The following RUNX2 variants were observed in gnomAD, a reference collection of about 807,000 sequenced individuals.
The protein encoded by RUNX2 is RUNX family transcription factor 2.
In RUNX2, 10 loss-of-function variants were observed where a neutral mutation model predicts 51.7. That is an observed-to-expected ratio of 0.19 (90% CI 0.12 to 0.33). The LOEUF is 0.33. RUNX2 is among the 10% of genes least tolerant of loss of function. The pLI, the probability that RUNX2 is intolerant of heterozygous loss-of-function variation, is 1.00. For synonymous variants in RUNX2, 276 were observed against 273.6 expected, an observed-to-expected ratio of 1.01 and a Z score of -0.09; for missense variants, 562 against 691.3, an observed-to-expected ratio of 0.81 and a Z score of 2.10.
intron 2 of RUNX2, among the ~76,000 whole-genome samples, chr6:45,362,232 C>T (rs1004915224): frequency 1.3e-5 from 2 of 152,174 alleles, no homozygotes. Flanking sequence ...GACAACTAGA[C>T]AACTTTCAGT....
intron 2 of RUNX2, among the ~76,000 whole-genome samples, chr6:45,346,780 T>C (rs1172588213): frequency 6.6e-6 from 1 of 152,124 alleles, no homozygotes; most frequent in Admixed American, 6.5e-5. Context: ...TTGGTCAGGC[T>C]GGTCTCAAAC....
intron 7 of RUNX2, among the ~76,000 whole-genome samples, chr6:45,530,828 A>G (rs763310507): frequency 1.3e-5 from 2 of 152,236 alleles, no homozygotes; most frequent in Non-Finnish European, 1.5e-5. Flanking sequence ...AAAGAACATC[A>G]TGTTAGAACC....
At chr6:45,518,808 C>T (rs1801411749) in intron 7 of RUNX2, among the ~76,000 whole-genome samples, 1 of 152,132 alleles carries the variant, frequency 6.6e-6, no homozygotes, top group South Asian at 2.1e-4. Flanking sequence ...AATCTCCTTT[C>T]CATCAAAGAA....
intron 2 of RUNX2, among the ~76,000 whole-genome samples, chr6:45,402,513 T>C (rs989047976): frequency 3.3e-5 from 5 of 152,212 alleles, no homozygotes; most frequent in Admixed American, 6.5e-5. Flanking sequence ...TCCTATAACA[T>C]GCCAAAAGAT....
At chr6:45,454,705 T>G (rs1799271776) in intron 5 of RUNX2, among the ~76,000 whole-genome samples, 1 of 152,240 alleles carries the variant, frequency 6.6e-6, no homozygotes, top group Admixed American at 6.5e-5. Flanking sequence ...TATGTACTTT[T>G]GTTACAGCAA....
intron 2 of RUNX2, among the ~76,000 whole-genome samples, chr6:45,369,870 AG>A (rs1205578960): frequency 2.0e-5 from 3 of 152,184 alleles, no homozygotes; most frequent in African/African-American, 7.2e-5. Flanking sequence ...ATTTAATATA[AG>A]ATCTGGGAGG....
At chr6:45,367,160 G>A (rs1423165791) in intron 2 of RUNX2, among the ~76,000 whole-genome samples, 1 of 152,144 alleles carries the variant, frequency 6.6e-6, no homozygotes, top group Non-Finnish European at 1.5e-5. Flanking sequence ...ACACTAGCTA[G>A]GTGACTAGGT....
intron 2 of RUNX2, among the ~76,000 whole-genome samples, chr6:45,364,571 AAT>A (rs1680856210): frequency 6.6e-6 from 1 of 152,180 alleles, no homozygotes; most frequent in South Asian, 2.1e-4. Flanking sequence ...ATTTCTAATA[AAT>A]ATGCTACCTC....
At chr6:45,344,006 G>A (rs1790348332) in intron 2 of RUNX2, among the ~76,000 whole-genome samples, 1 of 152,096 alleles carries the variant, frequency 6.6e-6, no homozygotes, top group African/African-American at 2.4e-5. Context: ...GCCTATTCCT[G>A]TCTTTTTTCC....
rs1351332545 is a variant in RUNX2 at position 45,497,976 on chromosome 6, T to C, written c.859+5862T>C. Among the ~76,000 whole-genome samples, 7 of 152,188 alleles carry C rather than the reference T, an allele frequency of 4.6e-5. No homozygotes were observed. In the East Asian group the frequency reaches 1.2e-3, roughly 25 times the overall value. On this transcript the variant is annotated intron_variant, in intron 6 of 8. Transcript: ENST00000647337. ...ATGTGTCAGGCATTGTTCTAATTAG[T>C]TTAACTCATACGTTCCTCACAATAG...
intron 7 of RUNX2, among the ~76,000 whole-genome samples, chr6:45,525,482 G>A (rs1801646311): frequency 6.6e-6 from 1 of 152,182 alleles, no homozygotes; most frequent in African/African-American, 2.4e-5. Context: ...GAGTTGGCTG[G>A]GAATTGAGGA....
At chr6:45,351,686 T>C (rs570104651) in intron 2 of RUNX2, among the ~76,000 whole-genome samples, 1 of 152,258 alleles carries the variant, frequency 6.6e-6, no homozygotes, top group African/African-American at 2.4e-5. Context: ...TTCTCCAAAT[T>C]GATCAACTCC....
chr6:45,422,729 A>ACAGCAGCAG lies in RUNX2; in HGVS notation c.205_213dup (p.Gln69_Gln71dup). On this transcript the variant is annotated inframe_insertion, in exon 3 of 9. Transcript: ENST00000647337. Reference sequence around the variant, plus strand: ...AGCAACAGCAGCAGCAGCAGCAGCAACAGCAGCAGCAGCAGCAGGAGGCGG... The same window carrying ACAGCAGCAG: ...AGCAACAGCAGCAGCAGCAGCAGCAACAGCAGCAGCAGCAGCAGCAGCAGCAGGAGGCGG... The ACAGCAGCAG allele has an allele frequency of 1.3e-6, 2 of 1,557,486 alleles. No homozygotes were observed. The highest frequency in any genetic ancestry group is 8.7e-7 in the Non-Finnish European group (1 of 1,149,370).
intron 5 of RUNX2, among the ~76,000 whole-genome samples, chr6:45,445,074 G>T (rs774302225): frequency 4.6e-5 from 7 of 152,124 alleles, no homozygotes; most frequent in Admixed American, 1.3e-4. Context: ...TCCCAGGCTG[G>T]AGTGCAGTGG....
intron 7 of RUNX2, among the ~76,000 whole-genome samples, chr6:45,533,832 T>G (rs1801940030): frequency 6.6e-6 from 1 of 151,762 alleles, no homozygotes; most frequent in South Asian, 2.1e-4. Flanking sequence ...AAATATCAAT[T>G]GAAATGTGCC....
chr6:45,458,762 G>C (rs1287841888), intron 5 of RUNX2, among the ~76,000 whole-genome samples: 1 of 152,126 alleles, frequency 6.6e-6, no homozygotes, highest in African/African-American at 2.4e-5. Flanking sequence ...TGTGGCAGGA[G>C]GGAAAAAGTG....
rs542219240 is a variant in RUNX2, at chr6:45,397,897, T to A, written c.59-24696T>A. Among the ~76,000 whole-genome samples the A allele has an allele frequency of 3.9e-5, 6 of 152,320 alleles. No individual in the cohort carries two copies. In the South Asian group the frequency reaches 1.2e-3, roughly 32 times the overall value. Reference sequence around the variant, plus strand: ...GAATAACAATATTGACCTATTGAGGTCTTCGAGGCAGGGAGGATCTTATCT... The same window carrying A: ...GAATAACAATATTGACCTATTGAGGACTTCGAGGCAGGGAGGATCTTATCT... On this transcript the variant is annotated intron_variant, in intron 2 of 8. Transcript: ENST00000647337.
chr6:45,462,330 G>A (rs1799500604), intron 5 of RUNX2, among the ~76,000 whole-genome samples: 1 of 152,210 alleles, frequency 6.6e-6, no homozygotes, highest in African/African-American at 2.4e-5. Context: ...ACATTAAGCT[G>A]ATGGGGTATG....
At chr6:45,493,783 C>A (rs913889304) in intron 6 of RUNX2, among the ~76,000 whole-genome samples, 15 of 151,026 alleles carry the variant, frequency 9.9e-5, no homozygotes, top group African/African-American at 2.9e-4. Context: ...TATATATATA[C>A]ACACATATAT....
Sources: gnomAD v4.1 joint callset for allele counts (sites outside exome capture counted in the v4.1 genomes callset) on GRCh38, gnomAD v4.1.1 for gene constraint, MANE v1.5 for transcripts, NCBI Gene and HGNC (gene_info 2026-07-23, HGNC 2026-07-21) for gene names.